Variants in SSBP4 observed in about 807,000 individuals in gnomAD.
SSBP4 encodes the protein single stranded DNA binding protein 4, also known as single-stranded DNA-binding protein 4.
A neutral mutation model predicts 64.6 loss-of-function variants in SSBP4; 33 were observed. The ratio of observed to expected loss-of-function variants is 0.51; its 90% CI spans 0.39 to 0.68. SSBP4 has a LOEUF of 0.68. Ranked by LOEUF, SSBP4 falls within the 30% of genes least tolerant of loss-of-function variation. The probability of loss-of-function intolerance (pLI) is 0.00; values close to 1 mark genes in which losing one functional copy is unlikely to be tolerated. For synonymous variants in SSBP4, 243 were observed against 224.0 expected, an observed-to-expected ratio of 1.08 and a Z score of -0.76; for missense variants, 583 against 566.8, an observed-to-expected ratio of 1.03 and a Z score of -0.29.
chr19:18,427,641 T>A lies in SSBP4; in HGVS notation c.133-111T>A. The A allele has an allele frequency of 7.4e-7, 1 of 1,348,154 alleles. No individual in the cohort carries two copies. Among genetic ancestry groups the A allele is most frequent in the Non-Finnish European group, 1.0e-6 (1 of 997,324 alleles). The allele number at this position is 1,348,154 out of a possible 1,614,324, so 83.5% of individuals were successfully genotyped here. A position where few individuals can be genotyped will look rare whatever the true frequency, so the allele number is the denominator to read the frequency against. On this transcript the variant is annotated intron_variant, in intron 2 of 17. Coordinates refer to ENST00000270061, the MANE Select transcript of SSBP4 (RefSeq NM_032627.5). The surrounding 1 kb of genome is among the most constrained non-coding windows in gnomAD (Gnocchi z 4.4). The stretch of plus-strand genomic sequence containing the variant: ...ATCCTGGGGCCCTCTGCCCACCCTG[T>A]TACCCTTCCCTCCCCACTCCCTCCC...
At position 18,430,891 on chromosome 19, in the gene SSBP4, C is replaced by T; in HGVS notation, c.330C>T (p.Asp110=). The T allele has an allele frequency of 6.2e-7, 1 of 1,613,324 alleles. No homozygotes were observed. The highest frequency in any genetic ancestry group is 8.5e-7 in the Non-Finnish European group (1 of 1,179,876). ...TTATGGGGAGTATGGCCCCAGGTGA[C>T]ACAATGGCCGCAGGCTCCATGGCGG... ...SPVMGSMAPG[D]TMAAGSMAAG... is the part of the protein sequence containing the mutation. Residue 110 remains aspartate (D), a synonymous_variant, in exon 5 of 18, where the codon GAC becomes GAT. Coordinates refer to ENST00000270061, the MANE Select transcript of SSBP4 (RefSeq NM_032627.5).
rs1279851897 is a variant in SSBP4 at position 18,432,162 on chromosome 19, A to G, written c.652A>G (p.Met218Val). 3.1e-6 allele frequency: 5 copies of G among 1,613,154 alleles called. No individual in the cohort carries two copies. Among genetic ancestry groups the G allele is most frequent in the Middle Eastern group, 3.3e-4 (2 of 6,058 alleles). The change falls in exon 10 of 18, where the codon ATG becomes GTG. Residue 218 changes from methionine (M) to valine (V), a missense_variant. Coordinates refer to ENST00000270061, the MANE Select transcript of SSBP4 (RefSeq NM_032627.5). ...GCCTCCGCAGAGCTATGGAGGTGGCATGCGACCCCCACCCAACTCCCTCGC... is the reference window on the plus strand; with the variant it reads ...GCCTCCGCAGAGCTATGGAGGTGGCGTGCGACCCCCACCCAACTCCCTCGC... ...SVGPQSYGGG[M>V]RPPPNSLAGP...
chr19:18,406,301 C>T, the SSBP4 span, among the ~76,000 whole-genome samples: 5 of 151,116 alleles, frequency 3.3e-5, no homozygotes, highest in South Asian at 4.2e-4. Flanking sequence ...TATAGGTGTG[C>T]GCCACCATGC....
intron 1 of SSBP4, among the ~76,000 whole-genome samples, chr19:18,425,605 C>T (rs542063809): frequency 2.0e-5 from 3 of 151,086 alleles, no homozygotes; most frequent in East Asian, 1.9e-4. Context: ...CTGCAGGCCG[C>T]CGGGCCAGGA....
Position 18,433,415 on chromosome 19 carries a change from C to T in SSBP4, c.992-170C>T. On this transcript the variant is annotated intron_variant, in intron 15 of 17. Transcript: ENST00000270061. ...ACCAGAGGATGCACTGACCGCCCCT[C>T]CCCCCCAGGCCCAACCCTCCACCTG... 6 of 1,280,278 alleles carry T rather than the reference C, an allele frequency of 4.7e-6. 1 individual carries two copies. Among genetic ancestry groups the T allele is most frequent in the Non-Finnish European group, 6.5e-6 (6 of 921,798 alleles). The allele number at this position is 1,280,278 out of a possible 1,614,324, so 79.3% of individuals were successfully genotyped here.
At chr19:18,432,649 G>GGGGGGCA in intron 11 of SSBP4, 45 bp downstream of exon 11, 1 of 489,168 alleles carries the variant, frequency 2.0e-6, no homozygotes, top group Non-Finnish European at 4.2e-6. Context: ...GGGTGGGAGG[G>GGGGGGCA]ACACTGGGTG....
At chr19:18,431,230 C>T (rs917834539) in intron 5 of SSBP4, 123 bp from the exon 6 acceptor site, 1 of 612,600 alleles carries the variant, frequency 1.6e-6, no homozygotes, top group Non-Finnish European at 2.9e-6. Context: ...GCCCTCAAGC[C>T]TTCCCACAAG....
chr19:18,428,218 C>A (rs1162107382), intron 4 of SSBP4, among the ~76,000 whole-genome samples: 3 of 152,200 alleles, frequency 2.0e-5, no homozygotes, highest in Non-Finnish European at 4.4e-5. Context: ...CTTTCCACTG[C>A]ACACACTTCT....
At chr19:18,406,173 G>T in the SSBP4 span, among the ~76,000 whole-genome samples, 1 of 151,080 alleles carries the variant, frequency 6.6e-6, no homozygotes, top group Non-Finnish European at 1.5e-5. Flanking sequence ...ATTTTTATGA[G>T]ACAGGATCTG....
At chr19:18,415,646 G>A (rs1238398597), upstream of SSBP4, among the ~76,000 whole-genome samples, 1 of 152,164 alleles carries the variant, frequency 6.6e-6, no homozygotes, top group Admixed American at 6.5e-5. Context: ...GGAGGACCAA[G>A]GAGGAACCCT....
At position 18,433,129 on chromosome 19, in the gene SSBP4, C is replaced by G; in HGVS notation, c.913-6C>G. On this transcript the variant is annotated splice_region_variant and splice_polypyrimidine_tract_variant and intron_variant, in intron 14 of 17. Transcript: ENST00000270061. ...CCCGAGTCCCACGCTGTCCCCATGC[C>G]CGCAGTTCCCGCTCGGCCCTGGCCC... is the stretch of plus-strand genomic sequence containing the variant. 6.2e-7 allele frequency: 1 copy of G among 1,609,580 alleles called. No homozygotes were observed. Among genetic ancestry groups the G allele is most frequent in the Non-Finnish European group, 8.5e-7 (1 of 1,178,450 alleles).
chr19:18,433,626 C>T lies in SSBP4; in HGVS notation c.1020+13C>T, dbSNP rs1214745487. On this transcript the variant is annotated intron_variant, in intron 16 of 17. Coordinates refer to ENST00000270061, the MANE Select transcript of SSBP4 (RefSeq NM_032627.5). The stretch of plus-strand genomic sequence containing the variant: ...CGGGTTGCCGAAGGTAAGGAGGCTG[C>T]GCTCTTGCCGGGGGTGGGATCCGGG... The T allele has an allele frequency of 2.2e-6, 3 of 1,378,588 alleles. No homozygotes were observed. The highest frequency in any genetic ancestry group is 1.9e-6 in the Non-Finnish European group (2 of 1,055,470). The allele number at this position is 1,378,588 out of a possible 1,614,324, so 85.4% of individuals were successfully genotyped here.
At position 18,433,007 on chromosome 19, in the gene SSBP4, CATG is replaced by C. The variant is rs1345790074; in HGVS notation, c.878_880del (p.Met293del). 6 of 1,614,118 alleles carry C rather than the reference CATG, an allele frequency of 3.7e-6. No homozygotes were observed. Among genetic ancestry groups the C allele is most frequent in the Non-Finnish European group, 5.1e-6 (6 of 1,180,030 alleles). ...ACTCCAGCGAAAACATGTACACTAT[CATG>C]AACCCCATCGGGCAGGGCGCCGGCA... On this transcript the variant is annotated inframe_deletion, in exon 14 of 18. Coordinates refer to ENST00000270061, the MANE Select transcript of SSBP4 (RefSeq NM_032627.5).
At position 18,433,197 on chromosome 19, in the gene SSBP4, C is replaced by G. The variant is rs760275495; in HGVS notation, c.975C>G (p.His325Gln). ...CCATGAGCGCGATGGAGCCTCACCA[C>G]GTGAACGGATCCCTGGGTGAGTGGG... ...MAAMSAMEPH[H>Q]VNGSLGSGDM... is the part of the protein sequence containing the mutation. Residue 325 changes from histidine (H) to glutamine (Q), a missense_variant, in exon 15 of 18, where the codon CAC becomes CAG. This residue lies in a region of SSBP4 where 444 missense variants were observed against 386.6 expected (regional missense o/e 1.15). Coordinates refer to ENST00000270061, the MANE Select transcript of SSBP4 (RefSeq NM_032627.5). The G allele has an allele frequency of 5.7e-6, 9 of 1,575,600 alleles. No homozygotes were observed. In the East Asian group the frequency reaches 1.6e-4, roughly 29 times the overall value.
Position 18,427,676 on chromosome 19 carries a change from GTTC to G in SSBP4, c.133-74_133-72del, listed in dbSNP as rs1179141331. The G allele has an allele frequency of 6.7e-7, 1 of 1,487,068 alleles. No individual in the cohort carries two copies. The highest frequency in any genetic ancestry group is 1.4e-5 in the African/African-American group (1 of 71,518). 92.1% of individuals were successfully genotyped at this position (1,487,068 alleles called of 1,614,324 possible). A position where few individuals can be genotyped will look rare whatever the true frequency, so the allele number is the denominator to read the frequency against. ...CTCCCCACTCCCTCCCTGCCCAGAT[GTTC>G]TCTGGGCACCCTGCTGGGTGGTGGG... On this transcript the variant is annotated intron_variant, in intron 2 of 17. Coordinates refer to ENST00000270061, the MANE Select transcript of SSBP4 (RefSeq NM_032627.5). This position sits in a 1 kb window ranked among gnomAD's most constrained non-coding sequence, Gnocchi z 4.4.
In SSBP4 at chr19:18,432,015, G is replaced by C. The variant is rs1390301319; in HGVS notation, c.581G>C (p.Gly194Ala). The C allele has an allele frequency of 6.4e-7, 1 of 1,568,584 alleles. No homozygotes were observed. The highest frequency in any genetic ancestry group is 1.3e-5 in the African/African-American group (1 of 74,110). Residue 194 changes from glycine (G) to alanine (A), a missense_variant, in exon 9 of 18, where the codon GGC (glycine) becomes GCC (alanine). Physicochemically the swap from Gly to Ala is moderately conservative, Grantham distance 60 (BLOSUM62 0). This residue lies in a region of SSBP4 where 444 missense variants were observed against 386.6 expected (regional missense o/e 1.15). Transcript: ENST00000270061. ...SPRAQGHPSM[G>A]GPMQRVTPPR... Reference sequence around the variant, plus strand: ...CCCACCCCAGGGCATCCGAGCATGGGCGGCCCAATGCAGAGGGTGACGCCT... The same window carrying C: ...CCCACCCCAGGGCATCCGAGCATGGCCGGCCCAATGCAGAGGGTGACGCCT...
chr19:18,433,399 T>G (rs1973651324), intron 15 of SSBP4, 186 bp downstream of exon 15: 2 of 1,262,332 alleles, frequency 1.6e-6, no homozygotes, highest in Non-Finnish European at 2.2e-6. Context: ...AACCAGAGGA[T>G]GCACTGACCG....
rs1353529465 is a variant in SSBP4 at position 18,431,450 on chromosome 19, CACACA to C, written c.435+33_435+37del. On this transcript the variant is annotated intron_variant, in intron 6 of 17. Coordinates refer to ENST00000270061, the MANE Select transcript of SSBP4 (RefSeq NM_032627.5). ...AGCTGTGGTGCCTGCCCCTCACACA[CACACA>C]TCCCCTCCCCCAGCGCCGCCCCCTC... The C allele has an allele frequency of 2.4e-6, 3 of 1,251,710 alleles. No homozygotes were observed. The Admixed American group carries it at 7.3e-5, about 30-fold the overall frequency. 77.5% of individuals were successfully genotyped at this position (1,251,710 alleles called of 1,614,324 possible).
intron 9 of SSBP4, 36 bp downstream of exon 9, chr19:18,432,106 C>G (rs1568355401): frequency 2.5e-6 from 4 of 1,605,048 alleles, no homozygotes; most frequent in Admixed American, 1.7e-5. Context: ...GGCCTTCGGG[C>G]TGTCCCCGGT....
Sources: allele counts gnomAD v4.1 joint callset (sites outside exome capture counted in the v4.1 genomes callset), GRCh38; gene constraint gnomAD v4.1.1; regional missense constraint gnomAD v4.1.1; non-coding constraint Gnocchi (gnomAD v3.1); transcripts MANE v1.5; gene names NCBI Gene and HGNC (gene_info 2026-07-23, HGNC 2026-07-21).